NDST3: variants seen among roughly 807,000 people sequenced by gnomAD.
NDST3 encodes the protein bifunctional heparan sulfate N-deacetylase/N-sulfotransferase 3.
Under a neutral mutation model 96.1 loss-of-function variants are expected in NDST3, and 58 were observed. The observed-to-expected ratio is 0.60, with a 90% CI of 0.49 to 0.75. The LOEUF (loss-of-function observed/expected upper bound fraction) is 0.75. Among genes scored for constraint, NDST3 ranks in the 30% least tolerant of loss-of-function variants. NDST3 has a pLI of 0.00. For synonymous variants in NDST3, 333 were observed against 359.7 expected (o/e 0.93, Z 0.84); for missense variants, 788 against 1,034.2 (o/e 0.76, Z 3.27).
At chr4:118,204,690 T>C (rs1360249188) in intron 6 of NDST3, among the ~76,000 whole-genome samples, 1 of 144,896 alleles carries the variant, frequency 6.9e-6, no homozygotes, top group Non-Finnish European at 1.5e-5. Context: ...ATAAACTTGA[T>C]TTAACAATAT....
At chr4:118,117,992 T>TG (rs1480117097) in intron 4 of NDST3, among the ~76,000 whole-genome samples, 4 of 152,132 alleles carry the variant, frequency 2.6e-5, no homozygotes, top group Non-Finnish European at 5.9e-5. Context: ...TCTAAAATGT[T>TG]GGAGGGGGTC....
intron 6 of NDST3, chr4:118,194,642 G>A (rs1178947702): frequency 3.8e-5 from 26 of 686,240 alleles, no homozygotes; most frequent in Middle Eastern, 4.4e-4. Context: ...GCCCTCTCTC[G>A]ATGACCTTCA....
At chr4:118,076,230 T>G (rs1222001350) in intron 2 of NDST3, among the ~76,000 whole-genome samples, 1 of 152,182 alleles carries the variant, frequency 6.6e-6, no homozygotes, top group Non-Finnish European at 1.5e-5. Context: ...CCTTTAATGT[T>G]TTTTCTTTCA....
rs182249207 is a variant in NDST3 at position 118,218,769 on chromosome 4, G to T, written c.1540-5722G>T. On this transcript the variant is annotated intron_variant, in intron 6 of 13. Transcript: ENST00000296499. ...GTCAAATTGTCTCTGTTTGTAGATGGCATGATTCTATACTTAGAAAACCCC... is the reference window on the plus strand; with the variant it reads ...GTCAAATTGTCTCTGTTTGTAGATGTCATGATTCTATACTTAGAAAACCCC... 4.4e-4 allele frequency among the ~76,000 whole-genome samples: 67 copies of T among 152,062 alleles called. 1 individual carries two copies. The East Asian group carries it at 0.012, about 27-fold the overall frequency.
rs961167127 is a variant in NDST3, at chr4:118,081,855, G to C, written c.982-23163G>C. ...TTAAAAGCCAGCCAGTTGGCTTCCT[G>C]AGAATATAGATATGGAACAATTTCC... is the stretch of plus-strand genomic sequence containing the variant. On this transcript the variant is annotated intron_variant, in intron 2 of 13. Coordinates refer to ENST00000296499, the MANE Select transcript of NDST3 (RefSeq NM_004784.3). Among the ~76,000 whole-genome samples, 2 of 152,104 alleles carry C rather than the reference G, an allele frequency of 1.3e-5. 1 individual carries two copies. The highest frequency in any genetic ancestry group is 2.9e-5 in the Non-Finnish European group (2 of 68,014).
At chr4:118,249,721 C>T (rs930229990) in intron 12 of NDST3, among the ~76,000 whole-genome samples, 1 of 142,014 alleles carries the variant, frequency 7.0e-6, no homozygotes, top group African/African-American at 2.7e-5. Context: ...ATATAGACTA[C>T]AGCCCCACAT....
chr4:118,125,613 C>T lies in NDST3; in HGVS notation c.1224+10653C>T, dbSNP rs138464553. ...GTTCATGGATTAAAAATAGTACATTCGTATTTAGCATCTGAATATAAAATC... is the reference window on the plus strand; with the variant it reads ...GTTCATGGATTAAAAATAGTACATTTGTATTTAGCATCTGAATATAAAATC... On this transcript the variant is annotated intron_variant, in intron 4 of 13. Transcript: ENST00000296499. Among the ~76,000 whole-genome samples, 1,406 of 152,068 alleles carry T rather than the reference C, an allele frequency of 9.2e-3. 95 individuals carry two copies. Among genetic ancestry groups the T allele is most frequent in the Admixed American group, 0.085 (1,304 of 15,252 alleles).
intron 12 of NDST3, among the ~76,000 whole-genome samples, chr4:118,247,112 T>C (rs1360057687): frequency 1.3e-5 from 2 of 151,406 alleles, no homozygotes; most frequent in African/African-American, 2.4e-5. Flanking sequence ...AGTAAGGGAA[T>C]GATAGCATTA....
chr4:118,135,268 G>C (rs1259471691), intron 4 of NDST3, among the ~76,000 whole-genome samples: 1 of 152,140 alleles, frequency 6.6e-6, no homozygotes, highest in Non-Finnish European at 1.5e-5. Context: ...GCTTAGGAAG[G>C]GGTAGTGGGG....
intron 12 of NDST3, among the ~76,000 whole-genome samples, chr4:118,242,569 C>A (rs1402631975): frequency 1.3e-5 from 2 of 152,156 alleles, no homozygotes; most frequent in African/African-American, 4.8e-5. Context: ...CAATGTCATA[C>A]AGCAAGAAAT....
At chr4:118,127,950 T>C (rs1422193653) in intron 4 of NDST3, among the ~76,000 whole-genome samples, 1 of 152,058 alleles carries the variant, frequency 6.6e-6, no homozygotes, top group Admixed American at 6.6e-5. Context: ...TTGTGGCTAC[T>C]ATAAATGAGA....
intron 6 of NDST3, among the ~76,000 whole-genome samples, chr4:118,179,630 T>C (rs1185837948): frequency 6.6e-6 from 1 of 152,064 alleles, no homozygotes; most frequent in Non-Finnish European, 1.5e-5. Flanking sequence ...AATATATATG[T>C]ATCCTTGGCT....
intron 6 of NDST3, among the ~76,000 whole-genome samples, chr4:118,196,779 TA>T (rs1420047205): frequency 3.9e-5 from 6 of 151,900 alleles, no homozygotes; most frequent in Non-Finnish European, 8.8e-5. Context: ...TCTTTATCTT[TA>T]AAAAAACTTT....
At chr4:118,142,856 C>T (rs4833562) in intron 5 of NDST3, among the ~76,000 whole-genome samples, 150,316 of 152,252 alleles carry the variant, frequency 0.99, 74,214 homozygotes, top group East Asian at 1. Flanking sequence ...GCAGATAATA[C>T]ATATATACAA....
At chr4:118,064,069 G>C (rs1726111358) in intron 2 of NDST3, among the ~76,000 whole-genome samples, 1 of 152,120 alleles carries the variant, frequency 6.6e-6, no homozygotes, top group Non-Finnish European at 1.5e-5. Context: ...GAAATGTCTT[G>C]GGCTGAAATA....
At chr4:118,180,104 T>G (rs1347359632) in intron 6 of NDST3, among the ~76,000 whole-genome samples, 7 of 152,112 alleles carry the variant, frequency 4.6e-5, no homozygotes, top group African/African-American at 1.2e-4. Context: ...TTGTTTGTTT[T>G]TTTAACCTTT....
intron 2 of NDST3, among the ~76,000 whole-genome samples, chr4:118,076,609 T>C (rs1199891283): frequency 6.6e-6 from 1 of 152,230 alleles, no homozygotes; most frequent in Non-Finnish European, 1.5e-5. Flanking sequence ...AACTATATTA[T>C]GAAATTCTTG....
intron 4 of NDST3, among the ~76,000 whole-genome samples, chr4:118,134,210 A>C (rs1178961055): frequency 1.3e-5 from 2 of 152,216 alleles, no homozygotes; most frequent in Non-Finnish European, 2.9e-5. Flanking sequence ...GGTGAGTTTC[A>C]GGGAAAGTTT....
intron 6 of NDST3, among the ~76,000 whole-genome samples, chr4:118,213,168 A>G (rs954445398): frequency 6.6e-6 from 1 of 152,210 alleles, no homozygotes; most frequent in African/African-American, 2.4e-5. Context: ...AATGAAAAGC[A>G]GTGATTTGAC....
Sources: gnomAD v4.1 joint callset for allele counts (sites outside exome capture counted in the v4.1 genomes callset) on GRCh38, gnomAD v4.1.1 for gene constraint, MANE v1.5 for transcripts, NCBI Gene and HGNC (gene_info 2026-07-23, HGNC 2026-07-21) for gene names.